PARP8: variants seen among roughly 807,000 people sequenced by gnomAD.
PARP8 encodes the protein poly(ADP-ribose) polymerase family member 8, also known as protein mono-ADP-ribosyltransferase PARP8.
A neutral mutation model predicts 124.1 loss-of-function variants in PARP8; 51 were observed. That is an observed-to-expected ratio of 0.41 (90% CI 0.33 to 0.52). The LOEUF (loss-of-function observed/expected upper bound fraction) is 0.52, where lower values mean the gene tolerates loss of function less well. Ranked by LOEUF, PARP8 falls within the 20% of genes least tolerant of loss-of-function variation. The pLI is 0.21. For missense variants in PARP8, 860 were observed against 1,018.9 expected (o/e 0.84, Z 2.12); for synonymous variants, 391 against 361.5 (o/e 1.08, Z -0.93).
chr5:50,760,263 A>G, intron 4 of PARP8, 29 bp from the exon 5 acceptor site: 1 of 1,462,838 alleles, frequency 6.8e-7, no homozygotes, highest in Non-Finnish European at 9.2e-7. Context: ...AAGTATCATA[A>G]TATTTTTTAA....
chr5:50,667,039 C>A lies in PARP8; in HGVS notation c.-57C>A. ...AATATTTACGAAAGCTGGAAGCGTG[C>A]GAGGGGGGTGGGGTGGGGTGGAAAT... On this transcript the variant is annotated 5_prime_UTR_variant, in exon 1 of 26. Transcript: ENST00000281631. 3 of 1,593,922 alleles carry A rather than the reference C, an allele frequency of 1.9e-6. No homozygotes were observed. Among genetic ancestry groups the A allele is most frequent in the African/African-American group, 2.7e-5 (2 of 74,674 alleles).
chr5:50,797,399 C>T (rs1222625513), intron 14 of PARP8, among the ~76,000 whole-genome samples, 166 bp downstream of exon 14: 1 of 152,080 alleles, frequency 6.6e-6, no homozygotes, highest in Non-Finnish European at 1.5e-5. Context: ...CTAAAGTAGC[C>T]TGTGAAAGAG....
At chr5:50,671,073 A>G (rs943208789) in intron 2 of PARP8, among the ~76,000 whole-genome samples, 2 of 152,178 alleles carry the variant, frequency 1.3e-5, no homozygotes, top group Middle Eastern at 3.2e-3. Flanking sequence ...TTCTTATTTG[A>G]GAGGTGTGCT....
chr5:50,760,271 T>A (rs1240369398), intron 4 of PARP8, 21 bp from the exon 5 acceptor site: 6 of 1,482,454 alleles, frequency 4.0e-6, no homozygotes, highest in Non-Finnish European at 5.5e-6. Context: ...TAATATTTTT[T>A]AAATTACAAC....
Position 50,788,527 on chromosome 5 carries a change from C to T in PARP8, c.675C>T (p.Pro225=), listed in dbSNP as rs547108519. The T allele has an allele frequency of 3.1e-6, 5 of 1,612,778 alleles. No individual in the cohort carries two copies. The South Asian group carries it at 3.3e-5, about 11-fold the overall frequency. Residue 225 remains proline, a synonymous_variant, in exon 10 of 26, where the codon CCC becomes CCT. Transcript: ENST00000281631. ...GTGATCCTTTTTCCTTTCCAGTGCCCACTGTTGATGTCTTTCAGATTTCCA... is the reference window on the plus strand; with the variant it reads ...GTGATCCTTTTTCCTTTCCAGTGCCTACTGTTGATGTCTTTCAGATTTCCA... The part of the protein sequence containing the change: ...SLTQYLNGPV[P]TVDVFQISTK...
In PARP8 at chr5:50,843,331, A is replaced by G. The variant is rs373014981; in HGVS notation, c.*1263A>G. The stretch of plus-strand genomic sequence containing the variant: ...GTTTAATTAGTGAGTCTGCCACTCT[A>G]TTCAAACCCTGAATCAAGGCTCTAT... On this transcript the variant is annotated 3_prime_UTR_variant, in exon 26 of 26. Coordinates refer to ENST00000281631, the MANE Select transcript of PARP8 (RefSeq NM_024615.4). 17 of 151,836 alleles carry G rather than the reference A, an allele frequency of 1.1e-4. No homozygotes were observed. In the East Asian group the frequency reaches 2.3e-3, roughly 21 times the overall value. 9.4% of individuals were successfully genotyped at this position (151,836 alleles called of 1,614,324 possible). A position where few individuals can be genotyped will look rare whatever the true frequency, so the allele number is the denominator to read the frequency against.
chr5:50,680,569 TAA>T (rs1483418157), intron 2 of PARP8, among the ~76,000 whole-genome samples: 11 of 152,118 alleles, frequency 7.2e-5, no homozygotes, highest in African/African-American at 2.7e-4. Context: ...AATTAGCAAA[TAA>T]AAGAGTTGAT....
chr5:50,839,732 T>C (rs1444421312), intron 25 of PARP8, among the ~76,000 whole-genome samples: 2 of 151,676 alleles, frequency 1.3e-5, no homozygotes, highest in Non-Finnish European at 2.9e-5. Context: ...TGCTCTCTGC[T>C]CTCTCTTCCT....
intron 2 of PARP8, among the ~76,000 whole-genome samples, chr5:50,688,503 G>T (rs1226474177): frequency 6.6e-6 from 1 of 152,180 alleles, no homozygotes; most frequent in Non-Finnish European, 1.5e-5. Flanking sequence ...AATGCATGTG[G>T]TGGGGATAAT....
chr5:50,770,183 C>T (rs1365088592), intron 7 of PARP8, among the ~76,000 whole-genome samples: 1 of 151,928 alleles, frequency 6.6e-6, no homozygotes, highest in Non-Finnish European at 1.5e-5. Context: ...TAACTATTTC[C>T]TTATTATTCT....
chr5:50,746,483 C>T (rs546773834), intron 2 of PARP8, among the ~76,000 whole-genome samples: 14 of 152,194 alleles, frequency 9.2e-5, no homozygotes, highest in African/African-American at 3.4e-4. Context: ...ATGGAGGAAA[C>T]TGGGTAATAT....
intron 2 of PARP8, among the ~76,000 whole-genome samples, chr5:50,700,635 C>A (rs1753495074): frequency 6.6e-6 from 1 of 152,274 alleles, no homozygotes; most frequent in Non-Finnish European, 1.5e-5. Context: ...TGCTTTAAGG[C>A]AAGTATTTAA....
At chr5:50,724,447 C>T (rs1756213913) in intron 2 of PARP8, among the ~76,000 whole-genome samples, 1 of 151,994 alleles carries the variant, frequency 6.6e-6, no homozygotes, top group Non-Finnish European at 1.5e-5. Flanking sequence ...TTATTCTTTA[C>T]TGAAAGCAGA....
chr5:50,794,986 G>C lies in PARP8; in HGVS notation c.997G>C (p.Val333Leu), dbSNP rs1357493043. Reference protein sequence around the residue: ...SSTVKTDDVCVTKSHRTFGRS... With the variant: ...SSTVKTDDVCLTKSHRTFGRS... Reference sequence around the variant, plus strand: ...CACAGTCAAGACTGATGATGTGTGTGTCACAAAGTCACACAGGACCTTTGG... The same window carrying C: ...CACAGTCAAGACTGATGATGTGTGTCTCACAAAGTCACACAGGACCTTTGG... Residue 333 changes from valine to leucine, a missense_variant, in exon 12 of 26, where the codon GTC (valine) becomes CTC (leucine). Physicochemically the swap from Val to Leu is conservative, Grantham distance 32. Coordinates refer to ENST00000281631, the MANE Select transcript of PARP8 (RefSeq NM_024615.4). 6.2e-7 allele frequency: 1 copy of C among 1,614,200 alleles called. No individual in the cohort carries two copies. The highest frequency in any genetic ancestry group is 1.7e-5 in the Admixed American group (1 of 60,020).
At chr5:50,718,481 A>T (rs1755545219) in intron 2 of PARP8, among the ~76,000 whole-genome samples, 1 of 151,850 alleles carries the variant, frequency 6.6e-6, no homozygotes, top group Admixed American at 6.6e-5. Flanking sequence ...ATATACAATT[A>T]TATATGTAAT....
chr5:50,840,895 T>C (rs1450964734), intron 25 of PARP8, among the ~76,000 whole-genome samples: 2 of 151,902 alleles, frequency 1.3e-5, no homozygotes, highest in Admixed American at 6.6e-5. Flanking sequence ...TGAAACTTGC[T>C]AAGTATATCT....
chr5:50,738,706 C>A, intron 2 of PARP8, among the ~76,000 whole-genome samples: 1 of 130,820 alleles, frequency 7.6e-6, no homozygotes, highest in Non-Finnish European at 1.6e-5. Flanking sequence ...CTAAAGAAAG[C>A]TGATAAGTTA....
chr5:50,840,102 G>C (rs778650164), intron 25 of PARP8, among the ~76,000 whole-genome samples: 2 of 151,886 alleles, frequency 1.3e-5, no homozygotes, highest in African/African-American at 2.4e-5. Context: ...TTCTAGGTCA[G>C]TTTTTCTTAC....
intron 15 of PARP8, among the ~76,000 whole-genome samples, chr5:50,819,422 A>ATCT (rs1283837606): frequency 8.5e-4 from 63 of 74,484 alleles, no homozygotes; most frequent in African/African-American, 3.5e-3. Flanking sequence ...AGGCTATTTT[A>ATCT]TCTTCTTTTT....
Sources: allele counts gnomAD v4.1 joint callset (sites outside exome capture counted in the v4.1 genomes callset), GRCh38; gene constraint gnomAD v4.1.1; transcripts MANE v1.5; gene names NCBI Gene and HGNC (gene_info 2026-07-23, HGNC 2026-07-21).